The following MCC variants were observed in gnomAD, a reference collection of about 807,000 sequenced individuals.
The protein encoded by MCC is colorectal mutant cancer protein.
MCC carries 90 observed loss-of-function variants against 116.2 expected under a neutral mutation model. The ratio of observed to expected loss-of-function variants is 0.77; its 90% CI spans 0.65 to 0.92. MCC has a LOEUF of 0.92. Ranked by LOEUF, MCC falls within the 40% of genes least tolerant of loss-of-function variation. The probability of loss-of-function intolerance (pLI) is 0.00; values close to 1 mark genes in which losing one functional copy is unlikely to be tolerated. For synonymous variants in MCC, 578 were observed against 510.5 expected (o/e 1.13, Z -1.78); for missense variants, 1,516 against 1,312.2 (o/e 1.16, Z -2.40).
At chr5:113,038,288 T>G (rs754452826) in intron 17 of MCC, among the ~76,000 whole-genome samples, 3 of 152,126 alleles carry the variant, frequency 2.0e-5, no homozygotes, top group Non-Finnish European at 4.4e-5. Flanking sequence ...TGAGATAATT[T>G]AGGGACCATT....
intron 2 of MCC, among the ~76,000 whole-genome samples, chr5:113,347,575 T>C (rs1768165665): frequency 6.6e-6 from 1 of 151,556 alleles, no homozygotes; most frequent in Non-Finnish European, 1.5e-5. Flanking sequence ...ATACACTGAA[T>C]ACACAAAAAA....
chr5:113,223,114 G>A (rs1286747251), intron 3 of MCC, among the ~76,000 whole-genome samples: 1 of 152,198 alleles, frequency 6.6e-6, no homozygotes, highest in Non-Finnish European at 1.5e-5. Flanking sequence ...GGACGCAAAC[G>A]AAGCTGTCAG....
chr5:113,456,692 C>T lies in MCC; in HGVS notation c.170+31553G>A, dbSNP rs1452398080. Among the ~76,000 whole-genome samples the T allele has an allele frequency of 5.3e-5, 7 of 132,684 alleles. No homozygotes were observed. In the East Asian group the frequency reaches 8.8e-4, roughly 17 times the overall value. 87.0% of individuals were successfully genotyped at this position (132,684 alleles called of 152,430 possible). On this transcript the variant is annotated intron_variant, in intron 1 of 18. Transcript: ENST00000408903. ...TTCACCATGTTAGCCAGGATGGTCT[C>T]GATCTCCTGACCTCGTGATCCACCT...
Position 113,083,045 on chromosome 5 carries a change from T to C in MCC, c.1636-37A>G, listed in dbSNP as rs1405065912. On this transcript the variant is annotated intron_variant, in intron 10 of 18. Coordinates refer to ENST00000408903, the MANE Select transcript of MCC (RefSeq NM_001085377.2). ...AGCATTAATTCCCCTTTGGAACATA[T>C]CATTTCAGAGATGCATGTTTTGCAT... 12 of 1,587,874 alleles carry C rather than the reference T, an allele frequency of 7.6e-6. No homozygotes were observed. The East Asian group carries it at 1.6e-4, about 21-fold the overall frequency.
At chr5:113,404,988 G>A (rs1025933817) in intron 1 of MCC, among the ~76,000 whole-genome samples, 10 of 152,218 alleles carry the variant, frequency 6.6e-5, no homozygotes, top group African/African-American at 1.9e-4. Flanking sequence ...GGAGGACAGA[G>A]ATGGGACAGA....
intron 8 of MCC, among the ~76,000 whole-genome samples, chr5:113,093,042 G>C (rs990148075): frequency 1.1e-4 from 17 of 152,170 alleles, no homozygotes; most frequent in African/African-American, 3.9e-4. Context: ...ACAGCCATAT[G>C]GACAAACCTT....
intron 3 of MCC, among the ~76,000 whole-genome samples, chr5:113,222,043 G>GT (rs1763570644): frequency 1.3e-5 from 2 of 152,172 alleles, no homozygotes; most frequent in Admixed American, 1.3e-4. Context: ...CTGGCTGTAG[G>GT]TTTTTTCATA....
At chr5:113,387,662 G>A (rs1441146383) in intron 1 of MCC, among the ~76,000 whole-genome samples, 1 of 152,104 alleles carries the variant, frequency 6.6e-6, no homozygotes, top group Non-Finnish European at 1.5e-5. Context: ...TCCTGTCTGT[G>A]TATTTTCACT....
In MCC at chr5:113,307,894, A is replaced by C. The variant is rs113305932; in HGVS notation, c.627+32625T>G. On this transcript the variant is annotated intron_variant, in intron 3 of 18. Coordinates refer to ENST00000408903, the MANE Select transcript of MCC (RefSeq NM_001085377.2). ...AAGGTGTCTTCTTACTATCTTTCCCAAGCTCATTCCCACATTAATGTATCT... is the reference window on the plus strand; with the variant it reads ...AAGGTGTCTTCTTACTATCTTTCCCCAGCTCATTCCCACATTAATGTATCT... Among the ~76,000 whole-genome samples the C allele has an allele frequency of 1.3e-3, 202 of 152,198 alleles. 3 individuals carry two copies. Among genetic ancestry groups the C allele is most frequent in the African/African-American group, 4.2e-3 (173 of 41,514 alleles).
In MCC at chr5:113,193,711, C is replaced by T. The variant is rs1262473429; in HGVS notation, c.628-42289G>A. 3.9e-5 allele frequency among the ~76,000 whole-genome samples: 6 copies of T among 152,158 alleles called. No homozygotes were observed. In the East Asian group the frequency reaches 1.2e-3, roughly 29 times the overall value. ...TTTCTCCTAGGAAACCGCTTCATAG[C>T]CTGGGATCCACTCATCCAGAGTTTA... On this transcript the variant is annotated intron_variant, in intron 3 of 18. Transcript: ENST00000408903.
At chr5:113,065,216 T>A (rs1033616604) in intron 13 of MCC, among the ~76,000 whole-genome samples, 1 of 152,186 alleles carries the variant, frequency 6.6e-6, no homozygotes, top group East Asian at 1.9e-4. Context: ...TGTGTCACTG[T>A]AGGTTCATCA....
At chr5:113,132,381 TACATAC>T (rs1758487564) in intron 5 of MCC, among the ~76,000 whole-genome samples, 1 of 129,890 alleles carries the variant, frequency 7.7e-6, no homozygotes, top group African/African-American at 2.7e-5. Context: ...TGTATATATA[TACATAC>T]ATATATATAT....
intron 8 of MCC, among the ~76,000 whole-genome samples, chr5:113,086,310 G>T (rs2150245322): frequency 6.6e-6 from 1 of 152,038 alleles, no homozygotes; most frequent in East Asian, 1.9e-4. Context: ...ATGCCTGGGG[G>T]GTTGAACAGG....
At chr5:113,465,324 A>G (rs1771871530) in intron 1 of MCC, among the ~76,000 whole-genome samples, 1 of 152,138 alleles carries the variant, frequency 6.6e-6, no homozygotes, top group Admixed American at 6.5e-5. Context: ...ATGGTTAACC[A>G]TTTGGGGGAA....
chr5:113,472,728 G>T (rs1172392906), intron 1 of MCC, among the ~76,000 whole-genome samples: 2 of 152,080 alleles, frequency 1.3e-5, no homozygotes, highest in Non-Finnish European at 2.9e-5. Context: ...TAATTTACAA[G>T]ATCAAAATGC....
At chr5:113,161,907 G>C (rs140351136) in intron 3 of MCC, among the ~76,000 whole-genome samples, 31 of 152,102 alleles carry the variant, frequency 2.0e-4, no homozygotes, top group Non-Finnish European at 4.0e-4. Context: ...TTGATGCCAC[G>C]GCATGCTCCG....
intron 3 of MCC, among the ~76,000 whole-genome samples, chr5:113,293,419 G>A (rs931329038): frequency 1.3e-5 from 2 of 152,078 alleles, no homozygotes; most frequent in Non-Finnish European, 2.9e-5. Flanking sequence ...CCCCATAAAT[G>A]GCTCAGTGAT....
At chr5:113,158,759 T>C (rs566150477) in intron 3 of MCC, among the ~76,000 whole-genome samples, 2 of 152,322 alleles carry the variant, frequency 1.3e-5, no homozygotes, top group South Asian at 2.1e-4. Context: ...CAAAAGTAAT[T>C]GCAATGGCAA....
intron 3 of MCC, among the ~76,000 whole-genome samples, chr5:113,249,476 G>T (rs762003546): frequency 6.6e-6 from 1 of 152,166 alleles, no homozygotes; most frequent in Non-Finnish European, 1.5e-5. Flanking sequence ...GTGGAGACAA[G>T]ATTTCCTTTT....
Sources: allele counts gnomAD v4.1 joint callset (sites outside exome capture counted in the v4.1 genomes callset), GRCh38; gene constraint gnomAD v4.1.1; transcripts MANE v1.5; gene names NCBI Gene and HGNC (gene_info 2026-07-23, HGNC 2026-07-21).